Variants in PCMTD1 observed in about 807,000 individuals in gnomAD.
PCMTD1 encodes protein-L-isoaspartate O-methyltransferase domain-containing protein 1.
In PCMTD1, 12 loss-of-function variants were observed where a neutral mutation model predicts 37.6. That is an observed-to-expected ratio of 0.32 (90% CI 0.20 to 0.52). PCMTD1 has a LOEUF of 0.52. Ranked by LOEUF, PCMTD1 falls within the 20% of genes least tolerant of loss-of-function variation. The pLI, the probability that PCMTD1 is intolerant of heterozygous loss-of-function variation, is 0.97. For missense variants in PCMTD1, 235 were observed against 421.3 expected (o/e 0.56, Z 3.87); for synonymous variants, 117 against 135.8 (o/e 0.86, Z 0.96).
Position 51,820,545 on chromosome 8 carries a change from G to T in PCMTD1, c.880C>A (p.Gln294Lys). Residue 294 changes from glutamine to lysine, a missense_variant, in exon 6 of 6, where the codon CAG becomes AAG. Transcript: ENST00000522514. ...RINTYVFVGN[Q>K]LIPQPLDSEE... The stretch of plus-strand genomic sequence containing the variant: ...CTGTCTAGAGGCTGAGGAATAAGCT[G>T]ATTACCCACAAATACGTAAGTGTTA... 6.2e-7 allele frequency: 1 copy of T among 1,611,950 alleles called. No homozygotes were observed. Among genetic ancestry groups the T allele is most frequent in the Non-Finnish European group, 8.5e-7 (1 of 1,179,366 alleles).
At chr8:51,841,253 T>A (rs899012514) in intron 3 of PCMTD1, among the ~76,000 whole-genome samples, 4 of 152,218 alleles carry the variant, frequency 2.6e-5, no homozygotes, top group African/African-American at 9.6e-5. Flanking sequence ...GACAAATGCA[T>A]ATTAGGTGCT....
chr8:51,830,504 C>T (rs1012134308), intron 5 of PCMTD1, among the ~76,000 whole-genome samples: 1 of 152,176 alleles, frequency 6.6e-6, no homozygotes, highest in Non-Finnish European at 1.5e-5. Flanking sequence ...TTTCCCTCTA[C>T]CCACACTCCC....
chr8:51,878,376 G>C (rs2129291299), intron 1 of PCMTD1, among the ~76,000 whole-genome samples: 1 of 151,978 alleles, frequency 6.6e-6, no homozygotes, highest in South Asian at 2.1e-4. Context: ...TGTACAGGAA[G>C]AAGTTCCTTG....
At chr8:51,827,333 G>T (rs771760874) in intron 5 of PCMTD1, 1 of 1,152,226 alleles carries the variant, frequency 8.7e-7, no homozygotes, top group South Asian at 1.3e-5. Flanking sequence ...CACTTTCCAC[G>T]GTTTCCGCTT....
chr8:51,881,088 A>G (rs1413479308), intron 1 of PCMTD1, among the ~76,000 whole-genome samples: 3 of 152,142 alleles, frequency 2.0e-5, no homozygotes, highest in African/African-American at 7.2e-5. Context: ...CCCCACGAAC[A>G]CTGCTTCACT....
intron 1 of PCMTD1, among the ~76,000 whole-genome samples, chr8:51,880,856 C>T (rs1052431105): frequency 5.3e-5 from 8 of 152,220 alleles, no homozygotes; most frequent in Non-Finnish European, 7.3e-5. Context: ...TAGCTATAGA[C>T]AACTTAAAAG....
chr8:51,845,695 C>T lies in PCMTD1; in HGVS notation c.376G>A (p.Glu126Lys), dbSNP rs1585806756. 1 of 1,612,942 alleles carries T rather than the reference C, an allele frequency of 6.2e-7. No homozygotes were observed. The change falls in exon 3 of 6, where the codon GAG (glutamate) becomes AAG (lysine). Residue 126 changes from glutamate (E) to lysine (K), a missense_variant. By Grantham distance (56) the Glu-to-Lys change is moderately conservative. Around this residue, in one of 3 missense-constraint regions of PCMTD1, gnomAD observed 183 missense variants for 349.3 expected, o/e 0.52. Coordinates refer to ENST00000522514, the MANE Select transcript of PCMTD1 (RefSeq NM_052937.4). ...DVVEYAKEKL[E>K]SFIKNSDSFD... ...CTATCACTATTTTTGATGAAGCTCT[C>T]CAGTTTTTCCTTGGCATATTCCACC...
intron 3 of PCMTD1, among the ~76,000 whole-genome samples, chr8:51,838,274 C>T (rs1313602662): frequency 1.3e-5 from 2 of 152,010 alleles, no homozygotes; most frequent in African/African-American, 4.8e-5. Flanking sequence ...ATCACTTGAG[C>T]CCAGGAGTTC....
chr8:51,888,685 T>C (rs2038896933), intron 1 of PCMTD1, among the ~76,000 whole-genome samples: 1 of 152,238 alleles, frequency 6.6e-6, no homozygotes, highest in Admixed American at 6.5e-5. Context: ...TTTAGTCATT[T>C]TTATCTAGCA....
chr8:51,856,535 C>T (rs1311852792), intron 2 of PCMTD1, among the ~76,000 whole-genome samples: 2 of 152,136 alleles, frequency 1.3e-5, no homozygotes, highest in Non-Finnish European at 2.9e-5. Context: ...AATGTATATC[C>T]ACACAAAGAT....
chr8:51,872,282 A>G (rs185818996), intron 1 of PCMTD1, among the ~76,000 whole-genome samples: 1 of 152,288 alleles, frequency 6.6e-6, no homozygotes, highest in East Asian at 1.9e-4. Context: ...ACAACTGCCT[A>G]TTACCAACAC....
intron 1 of PCMTD1, among the ~76,000 whole-genome samples, chr8:51,892,071 G>T (rs1358507753): frequency 6.6e-6 from 1 of 151,800 alleles, no homozygotes; most frequent in East Asian, 1.9e-4. Flanking sequence ...AGATGATGGG[G>T]GCCTGCTTGT....
chr8:51,888,356 T>A (rs1003547691), intron 1 of PCMTD1, among the ~76,000 whole-genome samples: 3 of 152,176 alleles, frequency 2.0e-5, no homozygotes, highest in African/African-American at 7.2e-5. Flanking sequence ...TAAAAATAGA[T>A]TCCCCTTCAG....
chr8:51,831,624 CCT>C (rs1378965697), intron 4 of PCMTD1, 57 bp from the exon 5 acceptor site: 5 of 1,530,830 alleles, frequency 3.3e-6, no homozygotes, highest in Non-Finnish European at 4.4e-6. Flanking sequence ...AATGTGGTCA[CCT>C]TACAGTCAAA....
intron 3 of PCMTD1, among the ~76,000 whole-genome samples, chr8:51,834,646 T>C (rs1025390546): frequency 3.3e-5 from 5 of 152,220 alleles, no homozygotes; most frequent in African/African-American, 1.2e-4. Context: ...AGGTTTAGCA[T>C]GCAGTTAAAA....
rs142823592 is a variant in PCMTD1 at position 51,828,617 on chromosome 8, A to T, written c.706+2827T>A. Among the ~76,000 whole-genome samples, 25 of 152,260 alleles carry T rather than the reference A, an allele frequency of 1.6e-4. No homozygotes were observed. The East Asian group carries it at 4.6e-3, about 28-fold the overall frequency. Reference sequence around the variant, plus strand: ...AAGGTCGAACCATCCTAAGTTGGGGACCATCTGCTGTGTTGCCAGCATTAA... The same window carrying T: ...AAGGTCGAACCATCCTAAGTTGGGGTCCATCTGCTGTGTTGCCAGCATTAA... On this transcript the variant is annotated intron_variant, in intron 5 of 5. Transcript: ENST00000522514.
At chr8:51,850,500 G>A (rs915724022) in intron 2 of PCMTD1, among the ~76,000 whole-genome samples, 1 of 152,162 alleles carries the variant, frequency 6.6e-6, no homozygotes, top group African/African-American at 2.4e-5. Context: ...AGGGTCTGCA[G>A]ATAATCCTAA....
At chr8:51,888,197 A>G (rs1167704613) in intron 1 of PCMTD1, among the ~76,000 whole-genome samples, 18 of 152,196 alleles carry the variant, frequency 1.2e-4, no homozygotes, top group Admixed American at 1.2e-3. Context: ...GAGTGCTTAC[A>G]GAAGTTCAGT....
intron 2 of PCMTD1, among the ~76,000 whole-genome samples, chr8:51,854,878 C>CAA (rs1264955870): frequency 1.6e-3 from 177 of 113,000 alleles, no homozygotes; most frequent in African/African-American, 5.6e-3. Flanking sequence ...AGACTTGTCT[C>CAA]AAAAAAAAAA....
Sources: gnomAD v4.1 joint callset for allele counts (sites outside exome capture counted in the v4.1 genomes callset) on GRCh38, gnomAD v4.1.1 for gene constraint, gnomAD v4.1.1 regional missense constraint, MANE v1.5 for transcripts, NCBI Gene and HGNC (gene_info 2026-07-23, HGNC 2026-07-21) for gene names.